Variants in RAPGEF6 observed in about 807,000 individuals in gnomAD.
RAPGEF6 encodes Rap guanine nucleotide exchange factor 6.
Under a neutral mutation model 171.4 loss-of-function variants are expected in RAPGEF6, and 56 were observed. The observed-to-expected ratio is 0.33, with a 90% confidence interval of 0.26 to 0.41. The LOEUF (loss-of-function observed/expected upper bound fraction) is 0.41, where lower values mean the gene tolerates loss of function less well. Among genes scored for constraint, RAPGEF6 ranks in the 10% least tolerant of loss-of-function variants. The pLI is 1.00. For missense variants in RAPGEF6, 1,674 were observed against 1,921.4 expected (o/e 0.87, Z 2.41); for synonymous variants, 692 against 650.1 (o/e 1.06, Z -0.98).
chr5:131,436,206 T>C, intron 24 of RAPGEF6: 5 of 1,537,672 alleles, frequency 3.3e-6, no homozygotes, highest in Non-Finnish European at 3.5e-6. Context: ...TTTTTCTGGT[T>C]GTGTTCTCAC....
At chr5:131,472,183 T>C (rs951009261) in intron 17 of RAPGEF6, 2 of 269,484 alleles carry the variant, frequency 7.4e-6, no homozygotes, top group Non-Finnish European at 1.5e-5. Flanking sequence ...GCCATTCTCC[T>C]GCCTCAGCCT....
intron 11 of RAPGEF6, among the ~76,000 whole-genome samples, chr5:131,501,605 ATATAT>A (rs1333956778): frequency 6.6e-6 from 1 of 151,932 alleles, no homozygotes; most frequent in Non-Finnish European, 1.5e-5. Context: ...CTATTGTAAA[ATATAT>A]TAGAAGGTGG....
chr5:131,548,032 C>T lies in RAPGEF6; in HGVS notation c.495+15G>A, dbSNP rs772557227. 1 of 1,610,616 alleles carries T rather than the reference C, an allele frequency of 6.2e-7. No homozygotes were observed. Among genetic ancestry groups the T allele is most frequent in the Admixed American group, 1.7e-5 (1 of 59,494 alleles). On this transcript the variant is annotated intron_variant, in intron 6 of 27. Transcript: ENST00000509018. ...AATTAAGGAAGATTCATGAAGTGTT[C>T]CTAAATATACTCACAGAAAGATAGC...
chr5:131,628,130 A>C (rs774788602), intron 1 of RAPGEF6, among the ~76,000 whole-genome samples: 35 of 152,196 alleles, frequency 2.3e-4, no homozygotes, highest in Non-Finnish European at 1.0e-4. Context: ...CCTATCTCTC[A>C]CTTTAAATCA....
intron 24 of RAPGEF6, among the ~76,000 whole-genome samples, chr5:131,434,379 TACGGTCTGCACC>T (rs964278438): frequency 9.9e-5 from 15 of 152,188 alleles, no homozygotes; most frequent in Non-Finnish European, 2.9e-5. Context: ...TAGCTGGGAC[TACGGTCTGCACC>T]ACCACACCCA....
intron 6 of RAPGEF6, among the ~76,000 whole-genome samples, chr5:131,529,452 G>A (rs868330250): frequency 6.0e-5 from 9 of 149,452 alleles, no homozygotes; most frequent in South Asian, 2.1e-4. Context: ...CTCCAGCCTG[G>A]GCGACAGAGC....
At chr5:131,592,919 T>C (rs1284245426) in intron 3 of RAPGEF6, among the ~76,000 whole-genome samples, 1 of 152,122 alleles carries the variant, frequency 6.6e-6, no homozygotes, top group Non-Finnish European at 1.5e-5. Context: ...AGTTAAAACT[T>C]GAATACAACA....
chr5:131,516,046 C>CCTTTT, intron 7 of RAPGEF6, among the ~76,000 whole-genome samples: 1 of 38,514 alleles, frequency 2.6e-5, no homozygotes, highest in East Asian at 5.7e-4. Context: ...AGATGATATC[C>CCTTTT]TTTTTTTTTT....
chr5:131,541,845 T>G (rs1477074517), intron 6 of RAPGEF6, among the ~76,000 whole-genome samples: 1 of 152,250 alleles, frequency 6.6e-6, no homozygotes, highest in Non-Finnish European at 1.5e-5. Context: ...TCCTGGAGAT[T>G]GTTTTGGGCT....
At chr5:131,437,464 C>T (rs1413570916) in intron 24 of RAPGEF6, among the ~76,000 whole-genome samples, 1 of 152,148 alleles carries the variant, frequency 6.6e-6, no homozygotes, top group Non-Finnish European at 1.5e-5. Context: ...AAAGGTGTTC[C>T]TGAACGAGCA....
intron 7 of RAPGEF6, among the ~76,000 whole-genome samples, chr5:131,511,485 T>TTTA (rs1757722877): frequency 6.7e-6 from 1 of 149,990 alleles, no homozygotes; most frequent in African/African-American, 2.5e-5. Context: ...GATCATCTTT[T>TTTA]TTTTTTTTTT....
intron 26 of RAPGEF6, among the ~76,000 whole-genome samples, chr5:131,429,998 C>T (rs954351568): frequency 2.7e-5 from 4 of 148,652 alleles, no homozygotes; most frequent in African/African-American, 7.6e-5. Flanking sequence ...TGCAGTGAGC[C>T]GAGGTCATGC....
At chr5:131,479,870 C>T (rs1755351989) in intron 15 of RAPGEF6, 117 bp from the exon 16 acceptor site, 2 of 1,062,900 alleles carry the variant, frequency 1.9e-6, no homozygotes, top group Non-Finnish European at 2.7e-6. Context: ...TTCTCAGTCT[C>T]ATTCAACTAA....
intron 15 of RAPGEF6, among the ~76,000 whole-genome samples, chr5:131,482,300 A>T (rs1336570248): frequency 7.2e-5 from 11 of 152,076 alleles, no homozygotes; most frequent in Admixed American, 7.2e-4. Context: ...ATACATGTAT[A>T]TATGTACATT....
intron 18 of RAPGEF6, chr5:131,463,783 T>G: frequency 9.2e-7 from 1 of 1,083,316 alleles, no homozygotes; most frequent in Non-Finnish European, 1.1e-6. Flanking sequence ...AATTTATAAA[T>G]TAGTAGATAC....
At chr5:131,545,314 A>G (rs893200453) in intron 6 of RAPGEF6, among the ~76,000 whole-genome samples, 5 of 152,218 alleles carry the variant, frequency 3.3e-5, no homozygotes, top group Non-Finnish European at 7.3e-5. Context: ...GTTGGGTACT[A>G]AAGAATAATT....
At chr5:131,580,752 G>A (rs1189573558) in intron 4 of RAPGEF6, among the ~76,000 whole-genome samples, 2 of 152,124 alleles carry the variant, frequency 1.3e-5, no homozygotes, top group South Asian at 2.1e-4. Flanking sequence ...TCCTCTTGCA[G>A]TACACCCTCT....
intron 15 of RAPGEF6, among the ~76,000 whole-genome samples, chr5:131,481,154 A>G (rs1212625982): frequency 6.6e-6 from 1 of 151,650 alleles, no homozygotes; most frequent in East Asian, 2.0e-4. Flanking sequence ...CGAAGTCCCA[A>G]CTTCAGGTGA....
At chr5:131,522,331 A>G (rs920852114) in intron 6 of RAPGEF6, among the ~76,000 whole-genome samples, 1 of 152,224 alleles carries the variant, frequency 6.6e-6, no homozygotes, top group Non-Finnish European at 1.5e-5. Flanking sequence ...CCAGAGTAGT[A>G]AAAGTTTTGC....
Sources: allele counts gnomAD v4.1 joint callset (sites outside exome capture counted in the v4.1 genomes callset), GRCh38; gene constraint gnomAD v4.1.1; transcripts MANE v1.5; gene names NCBI Gene and HGNC (gene_info 2026-07-23, HGNC 2026-07-21).